Variants in RALGPS2 observed in about 807,000 individuals in gnomAD.
RALGPS2 encodes the protein Ral GEF with PH domain and SH3 binding motif 2, also known as ras-specific guanine nucleotide-releasing factor RalGPS2.
A neutral mutation model predicts 86.8 loss-of-function variants in RALGPS2; 43 were observed. The observed-to-expected ratio is 0.50, with a 90% confidence interval of 0.39 to 0.64. The LOEUF (loss-of-function observed/expected upper bound fraction) is 0.64. RALGPS2 is among the 30% of genes least tolerant of loss of function. The pLI is 0.00. For synonymous variants in RALGPS2, 243 were observed against 231.3 expected (o/e 1.05, Z -0.46); for missense variants, 536 against 694.6 (o/e 0.77, Z 2.57).
intron 8 of RALGPS2, chr1:178,853,905 A>G: frequency 1.6e-6 from 1 of 613,812 alleles, no homozygotes; most frequent in Non-Finnish European, 2.5e-6. Flanking sequence ...TGTTTATCAT[A>G]TATACAATAT....
At chr1:178,809,933 A>G (rs1328953796) in intron 5 of RALGPS2, among the ~76,000 whole-genome samples, 1 of 152,212 alleles carries the variant, frequency 6.6e-6, no homozygotes, top group African/African-American at 2.4e-5. Flanking sequence ...GTGACAAAGA[A>G]TGTATGCTTA....
chr1:178,852,644 G>T (rs1208145073), intron 8 of RALGPS2: 4 of 1,578,432 alleles, frequency 2.5e-6, no homozygotes, highest in Middle Eastern at 1.7e-4. Flanking sequence ...TGCATAGAAG[G>T]TGATGATTCT....
At chr1:178,888,928 C>G (rs1043396899) in intron 13 of RALGPS2, among the ~76,000 whole-genome samples, 5 of 152,054 alleles carry the variant, frequency 3.3e-5, no homozygotes, top group Non-Finnish European at 5.9e-5. Flanking sequence ...TTAACTTGAC[C>G]TATTAATCAT....
intron 15 of RALGPS2, 49 bp from the exon 16 acceptor site, chr1:178,893,870 G>T: frequency 8.3e-7 from 1 of 1,198,548 alleles, no homozygotes; most frequent in South Asian, 1.4e-5. Context: ...CCTACTTGAT[G>T]ACTATTGTAG....
chr1:178,750,746 A>T (rs969744066), intron 1 of RALGPS2, among the ~76,000 whole-genome samples: 2 of 152,180 alleles, frequency 1.3e-5, no homozygotes, highest in African/African-American at 4.8e-5. Flanking sequence ...AAGGTTCTCA[A>T]ATTCGTCAAA....
chr1:178,764,109 T>G (rs1652382865), intron 1 of RALGPS2, among the ~76,000 whole-genome samples: 1 of 152,186 alleles, frequency 6.6e-6, no homozygotes, highest in Non-Finnish European at 1.5e-5. Flanking sequence ...TGTCTCTTCA[T>G]AGGTCTCTAA....
At chr1:178,797,767 C>G (rs1322481448) in intron 4 of RALGPS2, among the ~76,000 whole-genome samples, 1 of 151,926 alleles carries the variant, frequency 6.6e-6, no homozygotes, top group Non-Finnish European at 1.5e-5. Context: ...CTACCTCAGT[C>G]AAGATTCAGA....
At chr1:178,781,855 A>G (rs552658620) in intron 2 of RALGPS2, among the ~76,000 whole-genome samples, 1 of 152,318 alleles carries the variant, frequency 6.6e-6, no homozygotes, top group South Asian at 2.1e-4. Flanking sequence ...GTAAAATAAT[A>G]TTGTTGACAT....
chr1:178,897,514 G>C (rs1572462408), intron 16 of RALGPS2, 150 bp from the exon 17 acceptor site: 1 of 610,874 alleles, frequency 1.6e-6, no homozygotes, highest in Middle Eastern at 3.9e-4. Context: ...AGGAGTATTT[G>C]AGATTAAGAT....
chr1:178,875,341 T>C (rs894058234), intron 8 of RALGPS2, among the ~76,000 whole-genome samples: 1 of 152,338 alleles, frequency 6.6e-6, no homozygotes, highest in South Asian at 2.1e-4. Flanking sequence ...CTATTGTATG[T>C]TTCTCTTCCA....
In RALGPS2 at chr1:178,877,499, T is replaced by G; in HGVS notation, c.609T>G (p.Gly203=). 6.2e-7 allele frequency: 1 copy of G among 1,613,026 alleles called. No homozygotes were observed. The highest frequency in any genetic ancestry group is 8.5e-7 in the Non-Finnish European group (1 of 1,179,412). ...LKMTPCIPYL[G]IYLSDLTYID... ...TTCATTTATCTAATTGTATTTCAGG[T>G]ATCTATTTGTCAGATTTAACATACA... Residue 203 remains glycine, a splice_region_variant and synonymous_variant, in exon 9 of 20, where the codon GGT becomes GGG. Transcript: ENST00000367635.
intron 8 of RALGPS2, among the ~76,000 whole-genome samples, chr1:178,862,116 G>A (rs1010663718): frequency 8.5e-5 from 13 of 152,096 alleles, no homozygotes; most frequent in South Asian, 6.2e-4. Flanking sequence ...CAAGTGATCC[G>A]TCTGCCTCGG....
At chr1:178,900,063 G>A (rs1660103986) in intron 17 of RALGPS2, among the ~76,000 whole-genome samples, 1 of 151,850 alleles carries the variant, frequency 6.6e-6, no homozygotes, top group Admixed American at 6.6e-5. Flanking sequence ...TCTGCAATTT[G>A]CATTTGAATG....
At chr1:178,887,897 T>C (rs556802366) in intron 13 of RALGPS2, among the ~76,000 whole-genome samples, 1 of 152,212 alleles carries the variant, frequency 6.6e-6, no homozygotes, top group Non-Finnish European at 1.5e-5. Context: ...AGTCAAAAAT[T>C]TTCTACACGT....
Position 178,742,078 on chromosome 1 carries a change from G to C in RALGPS2, c.-84+16659G>C, listed in dbSNP as rs112359191. Among the ~76,000 whole-genome samples, 734 of 149,916 alleles carry C rather than the reference G, an allele frequency of 4.9e-3. 7 individuals are homozygous for C. Among genetic ancestry groups the C allele is most frequent in the African/African-American group, 0.016 (665 of 40,898 alleles). ...TTGAACCTGGGAGGCAGAGGTGGCA[G>C]TGAGCTGAGATCGTGCCGCTGCACT... is the stretch of plus-strand genomic sequence containing the variant. On this transcript the variant is annotated intron_variant, in intron 1 of 19. Transcript: ENST00000367635.
At chr1:178,785,634 TAAATATAGAA>T in intron 4 of RALGPS2, 27 bp downstream of exon 4, 5 of 1,549,734 alleles carry the variant, frequency 3.2e-6, no homozygotes, top group Non-Finnish European at 4.3e-6. Flanking sequence ...ATGTTCCTTT[TAAATATAGAA>T]AACGATCAAT....
Position 178,886,081 on chromosome 1 carries a change from C to T in RALGPS2, c.1153C>T (p.Gln385Ter). 1 of 1,613,354 alleles carries T rather than the reference C, an allele frequency of 6.2e-7. No homozygotes were observed. Among genetic ancestry groups the T allele is most frequent in the African/African-American group, 1.3e-5 (1 of 74,926 alleles). Reference protein sequence around the residue: ...VMEPHAPSRGQAESSTLSSGI... With the variant: ...VMEPHAPSRG ...GGAGCCCCATGCGCCATCTCGAGGCCAAGCTGAAAGTTCTACTCTTTCTAG... is the reference window on the plus strand; with the variant it reads ...GGAGCCCCATGCGCCATCTCGAGGCTAAGCTGAAAGTTCTACTCTTTCTAG... The change falls in exon 13 of 20, where the codon CAA becomes TAA. Residue 385 changes from glutamine to a stop codon, truncating the protein, a stop_gained. Transcript: ENST00000367635. LOFTEE classifies it high-confidence loss of function.
At chr1:178,867,624 CT>C (rs1247538201) in intron 8 of RALGPS2, among the ~76,000 whole-genome samples, 11 of 152,046 alleles carry the variant, frequency 7.2e-5, no homozygotes, top group African/African-American at 2.6e-4. Flanking sequence ...CTGCCTTTTC[CT>C]GGTTTATGTC....
intron 2 of RALGPS2, among the ~76,000 whole-genome samples, chr1:178,780,838 A>G (rs1162732847): frequency 6.6e-6 from 1 of 152,142 alleles, no homozygotes; most frequent in African/African-American, 2.4e-5. Flanking sequence ...CCTTAAACAG[A>G]TGGGAGCTTT....
Sources: gnomAD v4.1 joint callset for allele counts (sites outside exome capture counted in the v4.1 genomes callset) on GRCh38, gnomAD v4.1.1 for gene constraint, MANE v1.5 for transcripts, NCBI Gene and HGNC (gene_info 2026-07-23, HGNC 2026-07-21) for gene names.